Variants in ATXN1 observed in about 807,000 individuals in gnomAD.
ATXN1 encodes the protein ataxin 1, also known as ataxin-1.
Under a neutral mutation model 56.4 loss-of-function variants are expected in ATXN1, and 8 were observed. That is an observed-to-expected ratio of 0.14 (90% CI 0.08 to 0.26). ATXN1 has a LOEUF of 0.26. ATXN1 is among the 10% of genes least tolerant of loss of function. The probability of loss-of-function intolerance (pLI) is 1.00; values close to 1 mark genes in which losing one functional copy is unlikely to be tolerated. For missense variants in ATXN1, 987 were observed against 1,106.5 expected (o/e 0.89, Z 1.53); for synonymous variants, 514 against 494.6 (o/e 1.04, Z -0.52).
chr6:16,578,470 C>T (rs940904586), intron 4 of ATXN1, among the ~76,000 whole-genome samples: 2 of 152,266 alleles, frequency 1.3e-5, no homozygotes, highest in Admixed American at 6.5e-5. Flanking sequence ...TCAACCACAT[C>T]TACTTCTCGA....
intron 6 of ATXN1, among the ~76,000 whole-genome samples, chr6:16,465,495 G>A (rs1052787421): frequency 2.6e-5 from 4 of 152,000 alleles, no homozygotes; most frequent in African/African-American, 9.7e-5. Flanking sequence ...ATCAGGGAAG[G>A]TGCCATAAAG....
chr6:16,704,214 A>G (rs3812208), intron 2 of ATXN1, among the ~76,000 whole-genome samples: 106,226 of 152,074 alleles, frequency 0.7, 37,354 homozygotes, highest in East Asian at 0.8. Context: ...TTTCCTATCT[A>G]ATTTGGTCTC....
intron 2 of ATXN1, among the ~76,000 whole-genome samples, chr6:16,695,769 G>A (rs543405955): frequency 6.6e-6 from 1 of 152,166 alleles, no homozygotes; most frequent in East Asian, 1.9e-4. Flanking sequence ...ATGCAGCCTG[G>A]GCAATGGAAT....
intron 4 of ATXN1, among the ~76,000 whole-genome samples, chr6:16,553,221 C>T (rs10484364): frequency 0.076 from 11,502 of 152,264 alleles, 460 homozygotes; most frequent in Non-Finnish European, 0.087. Flanking sequence ...TACTGTATGA[C>T]TCAAAGGCTA....
chr6:16,445,099 A>T (rs1759605672), intron 6 of ATXN1, among the ~76,000 whole-genome samples: 1 of 152,206 alleles, frequency 6.6e-6, no homozygotes, highest in African/African-American at 2.4e-5. Context: ...GACCGAAATG[A>T]CCTTTATTTG....
chr6:16,680,981 A>T (rs1413446092), intron 2 of ATXN1, among the ~76,000 whole-genome samples: 1 of 152,182 alleles, frequency 6.6e-6, no homozygotes, highest in African/African-American at 2.4e-5. Context: ...CCAGTGATTG[A>T]GCTAAAATGA....
At chr6:16,661,871 G>T (rs1043497410) in intron 2 of ATXN1, among the ~76,000 whole-genome samples, 4 of 152,150 alleles carry the variant, frequency 2.6e-5, no homozygotes, top group Non-Finnish European at 5.9e-5. Flanking sequence ...GTCAGCCCAG[G>T]TTAACAACTT....
chr6:16,349,703 T>C (rs1761528172), intron 6 of ATXN1, among the ~76,000 whole-genome samples: 2 of 152,186 alleles, frequency 1.3e-5, no homozygotes, highest in Non-Finnish European at 2.9e-5. Context: ...GTCTCTAAAA[T>C]TGTCTTCTTT....
rs1391209640 is a variant in ATXN1 at position 16,299,448 on chromosome 6, A to C, written c.*6881T>G. On this transcript the variant is annotated 3_prime_UTR_variant, in exon 8 of 8. Transcript: ENST00000436367. ...TACAGAGAGTATGCACGCATATGGA[A>C]AAAAGTTCTCCTGTCACAATAAAAG... 1 of 152,674 alleles carries C rather than the reference A, an allele frequency of 6.5e-6. No homozygotes were observed. The highest frequency in any genetic ancestry group is 6.5e-5 in the Admixed American group (1 of 15,284). The allele number at this position is 152,674 out of a possible 1,614,324, so 9.5% of individuals were successfully genotyped here.
intron 2 of ATXN1, among the ~76,000 whole-genome samples, chr6:16,658,334 G>A (rs1239855176): frequency 1.3e-5 from 2 of 152,236 alleles, no homozygotes; most frequent in East Asian, 1.9e-4. Context: ...ATCAACTGAT[G>A]TGAATACTTT....
chr6:16,563,013 G>A (rs933508280), intron 4 of ATXN1, among the ~76,000 whole-genome samples: 2 of 151,910 alleles, frequency 1.3e-5, no homozygotes, highest in Admixed American at 1.3e-4. Flanking sequence ...GGAGCCTTGC[G>A]GAGTGGGAGG....
chr6:16,559,967 C>T (rs774771053), intron 4 of ATXN1, among the ~76,000 whole-genome samples: 7 of 152,080 alleles, frequency 4.6e-5, no homozygotes, highest in Admixed American at 6.5e-5. Context: ...CATGTCTGCA[C>T]CGCCTCCCCA....
chr6:16,621,394 G>A (rs143631998), intron 3 of ATXN1, among the ~76,000 whole-genome samples: 1 of 152,226 alleles, frequency 6.6e-6, no homozygotes, highest in East Asian at 1.9e-4. Flanking sequence ...GCCCTAAAAG[G>A]AGACACAACT....
Position 16,496,510 on chromosome 6 carries a change from C to T in ATXN1, c.-298-10401G>A, listed in dbSNP as rs73724882. Among the ~76,000 whole-genome samples the T allele has an allele frequency of 8.6e-3, 1,304 of 152,222 alleles. 24 individuals carry two copies. The highest frequency in any genetic ancestry group is 0.029 in the African/African-American group (1,200 of 41,504). The stretch of plus-strand genomic sequence containing the variant: ...ACAGGAGAGGGGTGCTGAGTGTGAC[C>T]ACATGTCCACAGGCCTGTCTGAGCT... On this transcript the variant is annotated intron_variant, in intron 5 of 7. Transcript: ENST00000436367.
intron 6 of ATXN1, among the ~76,000 whole-genome samples, chr6:16,387,796 C>G (rs1324582222): frequency 2.0e-5 from 3 of 152,150 alleles, no homozygotes; most frequent in African/African-American, 7.2e-5. Context: ...TATCTCCTGT[C>G]AAAAATATAA....
intron 2 of ATXN1, among the ~76,000 whole-genome samples, chr6:16,726,188 C>G (rs1480379387): frequency 1.3e-5 from 2 of 152,056 alleles, no homozygotes; most frequent in Non-Finnish European, 2.9e-5. Flanking sequence ...CAAGACCAGC[C>G]TGGCCAACAT....
At chr6:16,436,579 A>T (rs116827647) in intron 6 of ATXN1, among the ~76,000 whole-genome samples, 3,408 of 152,178 alleles carry the variant, frequency 0.022, 55 homozygotes, top group Non-Finnish European at 0.036. Flanking sequence ...CAATGTGGTG[A>T]CTGGGGGAAG....
At position 16,301,836 on chromosome 6, in the gene ATXN1, A is replaced by G. The variant is rs1219632504; in HGVS notation, c.*4493T>C. ...CTGCTTCCTCACCCATATCTGAAAT[A>G]GCACGGTATTAGTGTCTTCAAAAGC... On this transcript the variant is annotated 3_prime_UTR_variant, in exon 8 of 8. Coordinates refer to ENST00000436367, the MANE Select transcript of ATXN1 (RefSeq NM_001128164.2). The G allele has an allele frequency of 6.5e-6, 1 of 152,776 alleles. No individual in the cohort carries two copies. The highest frequency in any genetic ancestry group is 1.5e-5 in the Non-Finnish European group (1 of 68,076). 9.5% of individuals were successfully genotyped at this position (152,776 alleles called of 1,614,324 possible).
At chr6:16,540,097 T>C (rs1217151229) in intron 4 of ATXN1, among the ~76,000 whole-genome samples, 2 of 152,182 alleles carry the variant, frequency 1.3e-5, no homozygotes, top group East Asian at 3.8e-4. Context: ...AAACTGGAAG[T>C]GCAATGACAG....
Sources: gnomAD v4.1 joint callset for allele counts (sites outside exome capture counted in the v4.1 genomes callset) on GRCh38, gnomAD v4.1.1 for gene constraint, MANE v1.5 for transcripts, NCBI Gene and HGNC (gene_info 2026-07-23, HGNC 2026-07-21) for gene names.